NRG2: variants seen among roughly 807,000 people sequenced by gnomAD.
The protein encoded by NRG2 is pro-neuregulin-2, membrane-bound isoform.
Under a neutral mutation model 73.9 loss-of-function variants are expected in NRG2, and 27 were observed. The observed-to-expected ratio is 0.37, with a 90% CI of 0.27 to 0.50. The LOEUF is 0.50. NRG2 is among the 20% of genes least tolerant of loss of function. The pLI is 0.96. For missense variants in NRG2, 1,126 were observed against 1,210.1 expected (o/e 0.93, Z 1.03); for synonymous variants, 532 against 541.0 (o/e 0.98, Z 0.23).
chr5:139,944,117 T>G (rs1283143570), intron 1 of NRG2, among the ~76,000 whole-genome samples: 1 of 152,244 alleles, frequency 6.6e-6, no homozygotes, highest in East Asian at 1.9e-4. Context: ...CAGATTGGAA[T>G]GGAAGAAGCA....
chr5:139,865,207 C>A lies in NRG2; in HGVS notation c.1189+342G>T, dbSNP rs1762405384. The A allele has an allele frequency of 6.3e-7, 1 of 1,585,986 alleles. No homozygotes were observed. Among genetic ancestry groups the A allele is most frequent in the Non-Finnish European group, 8.7e-7 (1 of 1,154,808 alleles). Reference sequence around the variant, plus strand: ...AGAAAGAAAACCAGAAAGAGAGAGCCAGGATAGCAAGACACAGGCATTGCA... The same window carrying A: ...AGAAAGAAAACCAGAAAGAGAGAGCAAGGATAGCAAGACACAGGCATTGCA... On this transcript the variant is annotated intron_variant, in intron 5 of 9. Coordinates refer to ENST00000361474, the MANE Select transcript of NRG2 (RefSeq NM_004883.3). This position sits in a 1 kb window ranked among gnomAD's most constrained non-coding sequence, Gnocchi z 5.2.
At chr5:140,002,294 T>C (rs1758550765) in intron 1 of NRG2, among the ~76,000 whole-genome samples, 1 of 152,182 alleles carries the variant, frequency 6.6e-6, no homozygotes, top group Non-Finnish European at 1.5e-5. Context: ...GTAAACATCA[T>C]TTATAAGAAA....
At chr5:139,995,458 C>T (rs1413513903) in intron 1 of NRG2, among the ~76,000 whole-genome samples, 1 of 152,160 alleles carries the variant, frequency 6.6e-6, no homozygotes, top group Admixed American at 6.5e-5. Flanking sequence ...GGCAGTTCAG[C>T]CCCAGATGCT....
At chr5:140,026,782 T>C (rs977348515) in intron 1 of NRG2, among the ~76,000 whole-genome samples, 5 of 152,156 alleles carry the variant, frequency 3.3e-5, no homozygotes, top group African/African-American at 4.8e-5. Flanking sequence ...AAAGATGATT[T>C]TGACATTTCT....
At chr5:139,871,652 C>A (rs1762858342) in intron 4 of NRG2, 69 bp downstream of exon 4, 10 of 1,587,720 alleles carry the variant, frequency 6.3e-6, no homozygotes, top group South Asian at 1.1e-5. Context: ...TTTCCTAGAG[C>A]CCTCCACTTC....
intron 1 of NRG2, among the ~76,000 whole-genome samples, chr5:139,960,831 T>C (rs1755002987): frequency 6.6e-6 from 1 of 152,178 alleles, no homozygotes; most frequent in Non-Finnish European, 1.5e-5. Flanking sequence ...AGGGGACAAG[T>C]TAACCCCACC....
intron 1 of NRG2, among the ~76,000 whole-genome samples, chr5:139,975,357 T>C (rs929818917): frequency 6.6e-6 from 1 of 152,222 alleles, no homozygotes; most frequent in Non-Finnish European, 1.5e-5. Flanking sequence ...AGCAGCCTCC[T>C]GCTACAGGAA....
intron 1 of NRG2, among the ~76,000 whole-genome samples, chr5:139,898,226 G>C (rs1764670028): frequency 6.6e-6 from 1 of 152,246 alleles, no homozygotes; most frequent in Non-Finnish European, 1.5e-5. Flanking sequence ...CATGTGCCAG[G>C]CAAAGTGAAC....
intron 1 of NRG2, among the ~76,000 whole-genome samples, chr5:139,919,699 G>A (rs1751521140): frequency 6.6e-6 from 1 of 152,094 alleles, no homozygotes; most frequent in African/African-American, 2.4e-5. Context: ...GCAAATAATT[G>A]AGAAAACAAA....
intron 1 of NRG2, among the ~76,000 whole-genome samples, chr5:139,896,148 C>G (rs529719204): frequency 6.6e-6 from 1 of 152,274 alleles, no homozygotes; most frequent in East Asian, 1.9e-4. Flanking sequence ...GGGATACATG[C>G]AAAGCCATAG....
intron 1 of NRG2, among the ~76,000 whole-genome samples, chr5:139,936,983 G>T (rs1227019146): frequency 6.6e-6 from 1 of 152,134 alleles, no homozygotes; most frequent in Non-Finnish European, 1.5e-5. Flanking sequence ...TGTATTTTTA[G>T]TAGAGACAGG....
intron 1 of NRG2, among the ~76,000 whole-genome samples, chr5:140,004,570 T>G (rs978863140): frequency 6.6e-6 from 1 of 152,186 alleles, no homozygotes; most frequent in Non-Finnish European, 1.5e-5. Flanking sequence ...TAAGTTCACT[T>G]CAATAATGAG....
At position 139,853,003 on chromosome 5, in the gene NRG2, G is replaced by C. The variant is rs1761560786; in HGVS notation, c.1317C>G (p.Asn439Lys). ...KTKKQRKQMH[N>K]HLRQNMCPAH... ...CCGGGCACATGTTCTGCCGGAGGTG[G>C]TTGTGCATCTGCTTCCGCTGTTTTC... The change falls in exon 7 of 10, where the codon AAC (asparagine) becomes AAG (lysine). Residue 439 changes from asparagine to lysine, a missense_variant. Physicochemically the swap from Asn to Lys is moderately conservative, Grantham distance 94. This residue lies in a region of NRG2 where 539 missense variants were observed against 703.2 expected (regional missense o/e 0.77). Coordinates refer to ENST00000361474, the MANE Select transcript of NRG2 (RefSeq NM_004883.3). The surrounding 1 kb of genome is among the most constrained non-coding windows in gnomAD (Gnocchi z 4.1). The C allele has an allele frequency of 6.2e-7, 1 of 1,613,588 alleles. No individual in the cohort carries two copies. The highest frequency in any genetic ancestry group is 1.3e-5 in the African/African-American group (1 of 74,994).
At chr5:139,998,403 C>T (rs1758188676) in intron 1 of NRG2, among the ~76,000 whole-genome samples, 1 of 152,208 alleles carries the variant, frequency 6.6e-6, no homozygotes, top group Non-Finnish European at 1.5e-5. Context: ...GGGCCGGCCA[C>T]GTGACCATCT....
In NRG2 at chr5:139,852,853, G is replaced by T. The variant is rs1384154217; in HGVS notation, c.1416+51C>A. The T allele has an allele frequency of 6.8e-6, 11 of 1,608,760 alleles. No individual in the cohort carries two copies. Among genetic ancestry groups the T allele is most frequent in the African/African-American group, 1.3e-5 (1 of 74,652 alleles). ...CCCATCCTTGCAGGGGGCATGAGAAGGCTGGCTGTCCACTGAGGGCTCAGA... is the reference window on the plus strand; with the variant it reads ...CCCATCCTTGCAGGGGGCATGAGAATGCTGGCTGTCCACTGAGGGCTCAGA... On this transcript the variant is annotated intron_variant, in intron 7 of 9. Coordinates refer to ENST00000361474, the MANE Select transcript of NRG2 (RefSeq NM_004883.3). The surrounding 1 kb of genome is among the most constrained non-coding windows in gnomAD (Gnocchi z 4.4).
intron 4 of NRG2, among the ~76,000 whole-genome samples, chr5:139,867,797 T>TGTGTGTGTG (rs59687459): frequency 2.0e-5 from 2 of 101,888 alleles, no homozygotes; most frequent in African/African-American, 5.3e-5. Flanking sequence ...TGTGTGTGTG[T>TGTGTGTGTG]ATGAGTGTGT....
Position 139,871,797 on chromosome 5 carries a change from T to G in NRG2, c.1036A>C (p.Asn346His). ...ACGCAATAGGACTTGGCTGTCTCGT[T>G]GCACTTCCGGGCGTGCCCCGACCAG... ...SSWSGHARKC[N>H]ETAKSYCVNG... is the part of the protein sequence containing the mutation. The change falls in exon 4 of 10, where the codon AAC becomes CAC. Residue 346 changes from asparagine (N) to histidine (H), a missense_variant. Around this residue, in one of 3 missense-constraint regions of NRG2, gnomAD observed 539 missense variants for 703.2 expected, o/e 0.77. Transcript: ENST00000361474. 6.2e-7 allele frequency: 1 copy of G among 1,614,156 alleles called. No homozygotes were observed. Among genetic ancestry groups the G allele is most frequent in the Admixed American group, 1.7e-5 (1 of 60,018 alleles).
intron 1 of NRG2, among the ~76,000 whole-genome samples, chr5:139,972,713 G>C (rs1448659009): frequency 1.3e-5 from 2 of 152,302 alleles, no homozygotes; most frequent in East Asian, 3.9e-4. Context: ...GACAGAGCGA[G>C]ACTCTGTCTC....
At chr5:140,024,343 C>T (rs1760496455) in intron 1 of NRG2, among the ~76,000 whole-genome samples, 1 of 151,966 alleles carries the variant, frequency 6.6e-6, no homozygotes, top group Non-Finnish European at 1.5e-5. Flanking sequence ...CAAGCTCCGC[C>T]TCCCGGGTTC....
Sources: allele counts gnomAD v4.1 joint callset (sites outside exome capture counted in the v4.1 genomes callset), GRCh38; gene constraint gnomAD v4.1.1; regional missense constraint gnomAD v4.1.1; non-coding constraint Gnocchi (gnomAD v3.1); transcripts MANE v1.5; gene names NCBI Gene and HGNC (gene_info 2026-07-23, HGNC 2026-07-21).